The following KCNQ3 variants were observed in gnomAD, a reference collection of about 807,000 sequenced individuals.
KCNQ3 encodes potassium voltage-gated channel subfamily Q member 3.
In KCNQ3, 30 loss-of-function variants were observed where a neutral mutation model predicts 92.5. The observed-to-expected ratio is 0.32, with a 90% CI of 0.24 to 0.44. The LOEUF (loss-of-function observed/expected upper bound fraction) is 0.44. Ranked by LOEUF, KCNQ3 falls within the 20% of genes least tolerant of loss-of-function variation. The pLI is 1.00. For synonymous variants in KCNQ3, 450 were observed against 468.8 expected (o/e 0.96, Z 0.52); for missense variants, 913 against 1,140.3 (o/e 0.80, Z 2.87).
At chr8:132,364,583 A>G (rs1193852242) in intron 1 of KCNQ3, among the ~76,000 whole-genome samples, 1 of 152,170 alleles carries the variant, frequency 6.6e-6, no homozygotes, top group Non-Finnish European at 1.5e-5. Flanking sequence ...TGTCTGGCTC[A>G]CAATTATAGG....
At chr8:132,389,681 C>T (rs1819997075) in intron 1 of KCNQ3, among the ~76,000 whole-genome samples, 1 of 152,064 alleles carries the variant, frequency 6.6e-6, no homozygotes. Flanking sequence ...AGTGAGCAAC[C>T]CCAGAAGCCA....
intron 1 of KCNQ3, among the ~76,000 whole-genome samples, chr8:132,255,659 A>C (rs1585205): frequency 0.088 from 13,451 of 152,264 alleles, 677 homozygotes; most frequent in South Asian, 0.15. Context: ...CCTGAGCATT[A>C]AAGTTATGCC....
chr8:132,221,644 C>T (rs976043378), intron 1 of KCNQ3, among the ~76,000 whole-genome samples: 1 of 152,138 alleles, frequency 6.6e-6, no homozygotes, highest in Non-Finnish European at 1.5e-5. Flanking sequence ...ATATCCTTTG[C>T]CCACTTTTTG....
chr8:132,404,402 G>A (rs1029675568), intron 1 of KCNQ3, among the ~76,000 whole-genome samples: 27 of 152,172 alleles, frequency 1.8e-4, no homozygotes, highest in Admixed American at 8.5e-4. Context: ...AATTTATAGA[G>A]GTGATTAAAG....
At chr8:132,146,709 C>G (rs1825461367) in intron 9 of KCNQ3, among the ~76,000 whole-genome samples, 1 of 152,062 alleles carries the variant, frequency 6.6e-6, no homozygotes, top group Non-Finnish European at 1.5e-5. Context: ...TCTCCTCAGC[C>G]TCCCGAGTTA....
chr8:132,469,332 T>G (rs1302354442), intron 1 of KCNQ3, among the ~76,000 whole-genome samples: 2 of 152,170 alleles, frequency 1.3e-5, no homozygotes, highest in East Asian at 3.9e-4. Context: ...TTCTACAGCT[T>G]TAGGAAAATA....
intron 1 of KCNQ3, among the ~76,000 whole-genome samples, chr8:132,215,531 G>C (rs2130315458): frequency 6.6e-6 from 1 of 152,320 alleles, no homozygotes; most frequent in Non-Finnish European, 1.5e-5. Context: ...GTTCTGTTTT[G>C]CCCTGAAAGA....
chr8:132,234,487 C>T (rs573158731), intron 1 of KCNQ3, among the ~76,000 whole-genome samples: 40 of 151,698 alleles, frequency 2.6e-4, no homozygotes, highest in Non-Finnish European at 3.8e-4. Flanking sequence ...CTACCTTCTG[C>T]GGGTGGGTGG....
rs1360836789 is a variant in KCNQ3, at chr8:132,480,423, C to CCGG, written c.107_109dup (p.Ala36dup). 8.2e-6 allele frequency: 12 copies of CCGG among 1,469,324 alleles called. No individual in the cohort carries two copies. Among genetic ancestry groups the CCGG allele is most frequent in the East Asian group, 2.9e-5 (1 of 35,076 alleles). The allele number at this position is 1,469,324 out of a possible 1,614,324, so 91.0% of individuals were successfully genotyped here. On this transcript the variant is annotated inframe_insertion, in exon 1 of 15. Transcript: ENST00000388996. ...CAGCCCCACTTTCCGCTCCTCGTCG[C>CCGG]CGGCCGCCGCCGCGTCCCCTCCGGC... is the stretch of plus-strand genomic sequence containing the variant.
intron 1 of KCNQ3, among the ~76,000 whole-genome samples, chr8:132,325,747 A>G (rs1362077181): frequency 6.6e-6 from 1 of 152,172 alleles, no homozygotes; most frequent in Non-Finnish European, 1.5e-5. Flanking sequence ...CCCAGTCTGT[A>G]GTACTTTGTT....
chr8:132,173,048 C>G (rs1826434150), intron 6 of KCNQ3, among the ~76,000 whole-genome samples: 1 of 152,154 alleles, frequency 6.6e-6, no homozygotes. Context: ...GTGAGATAAC[C>G]TTTATAAACT....
At chr8:132,335,929 C>A (rs562423833) in intron 1 of KCNQ3, among the ~76,000 whole-genome samples, 1 of 152,296 alleles carries the variant, frequency 6.6e-6, no homozygotes, top group South Asian at 2.1e-4. Flanking sequence ...ATGATAAACA[C>A]CAGGAGGCCC....
intron 1 of KCNQ3, among the ~76,000 whole-genome samples, chr8:132,369,573 GCACACA>G (rs3049658): frequency 0.052 from 7,750 of 148,200 alleles, 260 homozygotes; most frequent in South Asian, 0.14. Context: ...TGCTCAAACA[GCACACA>G]CACACACACA....
At chr8:132,240,883 GC>G (rs1282110431) in intron 1 of KCNQ3, among the ~76,000 whole-genome samples, 16 of 120,722 alleles carry the variant, frequency 1.3e-4, no homozygotes, top group Non-Finnish European at 2.5e-4. Flanking sequence ...CAATGAGCTA[GC>G]TACAATTTTT....
chr8:132,303,672 A>G (rs112999035), intron 1 of KCNQ3, among the ~76,000 whole-genome samples: 1 of 44,692 alleles, frequency 2.2e-5, no homozygotes, highest in African/African-American at 1.8e-4. Context: ...GTGTGTATAT[A>G]TATATACACA....
intron 1 of KCNQ3, among the ~76,000 whole-genome samples, chr8:132,355,603 C>T (rs1328519152): frequency 6.6e-6 from 1 of 151,914 alleles, no homozygotes; most frequent in Non-Finnish European, 1.5e-5. Context: ...GTTTCCATGC[C>T]CTCAGGGAAG....
chr8:132,407,870 A>G (rs1342602502), intron 1 of KCNQ3, among the ~76,000 whole-genome samples: 3 of 152,158 alleles, frequency 2.0e-5, no homozygotes, highest in African/African-American at 7.2e-5. Flanking sequence ...CCCCCAGACC[A>G]CATCCTGGGG....
At chr8:132,409,320 A>T (rs1820586414) in intron 1 of KCNQ3, among the ~76,000 whole-genome samples, 1 of 152,190 alleles carries the variant, frequency 6.6e-6, no homozygotes, top group African/African-American at 2.4e-5. Flanking sequence ...CTAGACACTG[A>T]GGACCCAAGG....
At chr8:132,428,937 A>G (rs1563908607) in intron 1 of KCNQ3, among the ~76,000 whole-genome samples, 1 of 152,226 alleles carries the variant, frequency 6.6e-6, no homozygotes, top group Non-Finnish European at 1.5e-5. Flanking sequence ...TAGTAATAGA[A>G]GGGACACCTG....
Sources: allele counts gnomAD v4.1 joint callset (sites outside exome capture counted in the v4.1 genomes callset), GRCh38; gene constraint gnomAD v4.1.1; transcripts MANE v1.5; gene names NCBI Gene and HGNC (gene_info 2026-07-23, HGNC 2026-07-21).